The following ANKRD30BL variants were observed in gnomAD, a reference collection of about 807,000 sequenced individuals.
ANKRD30BL encodes ankyrin repeat domain 30B like.
A neutral mutation model predicts 18.4 loss-of-function variants in ANKRD30BL; 20 were observed. That is an observed-to-expected ratio of 1.09 (90% CI 0.77 to 1.58). ANKRD30BL has a LOEUF of 1.58. Among genes scored for constraint, ANKRD30BL ranks in the 40% most tolerant of loss-of-function variants. ANKRD30BL has a pLI of 0.00. For synonymous variants in ANKRD30BL, 72 were observed against 100.9 expected (o/e 0.71, Z 1.72); for missense variants, 224 against 268.6 (o/e 0.83, Z 1.16).
chr2:132,254,194 CCT>C (rs981183621), intron 1 of ANKRD30BL, among the ~76,000 whole-genome samples: 8 of 152,050 alleles, frequency 5.3e-5, no homozygotes, highest in Non-Finnish European at 1.0e-4. Context: ...CTTTCTACCC[CCT>C]CTCTCCCTCC....
intron 1 of ANKRD30BL, among the ~76,000 whole-genome samples, chr2:132,193,510 G>C (rs1678900337): frequency 6.6e-6 from 1 of 151,924 alleles, no homozygotes. Flanking sequence ...TATAGCATCT[G>C]ACCAGGGTTC....
chr2:132,217,807 G>A (rs1679550377), intron 1 of ANKRD30BL, among the ~76,000 whole-genome samples: 1 of 152,304 alleles, frequency 6.6e-6, no homozygotes, highest in Non-Finnish European at 1.5e-5. Flanking sequence ...AGCATTCTCA[G>A]AAACTTTTTT....
chr2:132,235,655 A>G (rs1680133505), intron 1 of ANKRD30BL, among the ~76,000 whole-genome samples: 1 of 152,202 alleles, frequency 6.6e-6, no homozygotes, highest in Middle Eastern at 3.2e-3. Context: ...CTCTTCAAGG[A>G]GAACTACAAA....
chr2:132,210,447 T>C (rs143781825), intron 1 of ANKRD30BL, among the ~76,000 whole-genome samples: 1 of 152,022 alleles, frequency 6.6e-6, no homozygotes, highest in African/African-American at 2.4e-5. Context: ...GTTGAAACTT[T>C]CTTTTGATTG....
At chr2:132,169,702 C>A (rs1573813106) in intron 1 of ANKRD30BL, among the ~76,000 whole-genome samples, 3 of 145,042 alleles carry the variant, frequency 2.1e-5, no homozygotes, top group Non-Finnish European at 3.0e-5. Flanking sequence ...AGACATTTAA[C>A]TCACAGATTA....
chr2:132,222,274 G>A (rs1334930044), intron 1 of ANKRD30BL, among the ~76,000 whole-genome samples: 3 of 150,694 alleles, frequency 2.0e-5, no homozygotes, highest in Admixed American at 6.6e-5. Context: ...GCTTCTGCCC[G>A]GCCGCCCCTA....
chr2:132,206,217 T>G (rs190526095), intron 1 of ANKRD30BL, among the ~76,000 whole-genome samples: 3 of 152,098 alleles, frequency 2.0e-5, no homozygotes, highest in Admixed American at 2.0e-4. Flanking sequence ...TAAAAAGAGA[T>G]GAGAAGTCAG....
At chr2:132,231,853 T>A (rs1430272580) in intron 1 of ANKRD30BL, among the ~76,000 whole-genome samples, 1 of 152,234 alleles carries the variant, frequency 6.6e-6, no homozygotes, top group Non-Finnish European at 1.5e-5. Context: ...CAAGGAGGCC[T>A]GCCTGCCTCT....
chr2:132,217,839 C>G (rs1484113598), intron 1 of ANKRD30BL, among the ~76,000 whole-genome samples: 2 of 152,280 alleles, frequency 1.3e-5, no homozygotes. Context: ...ATTCAACTCA[C>G]AGAGTTGAAC....
chr2:132,222,817 G>C (rs1390000744), intron 1 of ANKRD30BL, among the ~76,000 whole-genome samples: 1 of 66,274 alleles, frequency 1.5e-5, no homozygotes, highest in Non-Finnish European at 2.9e-5. Flanking sequence ...GTGAGAAACA[G>C]CCAAGAATGA....
intron 1 of ANKRD30BL, among the ~76,000 whole-genome samples, chr2:132,232,980 G>C (rs190529616): frequency 6.6e-6 from 1 of 152,110 alleles, no homozygotes; most frequent in Non-Finnish European, 1.5e-5. Context: ...GACTAACAGC[G>C]GATCTCTTGG....
chr2:132,174,795 T>C (rs988612151), intron 1 of ANKRD30BL, among the ~76,000 whole-genome samples: 1 of 152,224 alleles, frequency 6.6e-6, no homozygotes, highest in African/African-American at 2.4e-5. Flanking sequence ...CAGTGTTCTC[T>C]AGATGTTTAA....
At chr2:132,213,052 C>T (rs964947217) in intron 1 of ANKRD30BL, among the ~76,000 whole-genome samples, 1 of 151,748 alleles carries the variant, frequency 6.6e-6, no homozygotes, top group African/African-American at 2.4e-5. Flanking sequence ...CAGAGTTTAA[C>T]ATAACTTTCA....
chr2:132,229,574 G>A (rs946174371), intron 1 of ANKRD30BL, among the ~76,000 whole-genome samples: 7 of 152,172 alleles, frequency 4.6e-5, no homozygotes, highest in African/African-American at 1.7e-4. Flanking sequence ...GAATGTGCAA[G>A]TTGTTATTTG....
chr2:132,179,736 C>T (rs1249020731), intron 1 of ANKRD30BL, among the ~76,000 whole-genome samples: 1 of 151,894 alleles, frequency 6.6e-6, no homozygotes, highest in Non-Finnish European at 1.5e-5. Context: ...TGTTATTGCC[C>T]CAAGGAACTT....
intron 1 of ANKRD30BL, among the ~76,000 whole-genome samples, chr2:132,222,836 A>AT (rs1679729975): frequency 8.7e-6 from 1 of 114,626 alleles, no homozygotes; most frequent in Non-Finnish European, 1.6e-5. Context: ...GATCAATAAA[A>AT]AAAAAAAAAA....
chr2:132,194,051 TCTCTCACACA>T (rs1314683366), intron 1 of ANKRD30BL, among the ~76,000 whole-genome samples: 1 of 139,898 alleles, frequency 7.1e-6, no homozygotes, highest in African/African-American at 2.7e-5. Context: ...TCTCTCTCTC[TCTCTCACACA>T]CACACACACA....
intron 1 of ANKRD30BL, among the ~76,000 whole-genome samples, chr2:132,217,167 C>A (rs572440515): frequency 1.3e-5 from 2 of 151,242 alleles, no homozygotes; most frequent in East Asian, 3.9e-4. Flanking sequence ...GAGTTGGACA[C>A]ACTTTATCAT....
intron 1 of ANKRD30BL, among the ~76,000 whole-genome samples, chr2:132,225,119 G>T (rs193116180): frequency 6.6e-6 from 1 of 151,970 alleles, no homozygotes; most frequent in Admixed American, 6.6e-5. Context: ...TATTTGGACC[G>T]CTTTGAGGCC....
Sources: gnomAD v4.1 joint callset for allele counts (sites outside exome capture counted in the v4.1 genomes callset) on GRCh38, gnomAD v4.1.1 for gene constraint, MANE v1.5 for transcripts, NCBI Gene and HGNC (gene_info 2026-07-23, HGNC 2026-07-21) for gene names.